The following NBEA variants were observed in gnomAD, a reference collection of about 807,000 sequenced individuals.
NBEA encodes the protein lysosomal-trafficking regulator 2.
A neutral mutation model predicts 343.4 loss-of-function variants in NBEA; 44 were observed. That is an observed-to-expected ratio of 0.13 (90% CI 0.10 to 0.16). NBEA has a LOEUF of 0.16. NBEA is among the 10% of genes least tolerant of loss of function. NBEA has a pLI of 1.00. For synonymous variants in NBEA, 1,175 were observed against 1,238.7 expected, an observed-to-expected ratio of 0.95 and a Z score of 1.08; for missense variants, 2,555 against 3,631.3, an observed-to-expected ratio of 0.70 and a Z score of 7.62.
chr13:35,303,093 T>C (rs919393256), intron 35 of NBEA, among the ~76,000 whole-genome samples: 1 of 152,110 alleles, frequency 6.6e-6, no homozygotes, highest in African/African-American at 2.4e-5. Flanking sequence ...AGACTTAAAT[T>C]TCCTGCAGGG....
intron 16 of NBEA, 101 bp from the exon 17 acceptor site, chr13:35,123,381 G>C: frequency 3.6e-6 from 2 of 558,764 alleles, no homozygotes; most frequent in Non-Finnish European, 5.7e-6. Context: ...AATCTTCAGA[G>C]TTTTATATTT....
At chr13:35,300,751 A>T (rs901492232) in intron 35 of NBEA, among the ~76,000 whole-genome samples, 1 of 152,350 alleles carries the variant, frequency 6.6e-6, no homozygotes, top group Non-Finnish European at 1.5e-5. Context: ...GCACTTTTCC[A>T]TAGGAGTCAG....
intron 41 of NBEA, among the ~76,000 whole-genome samples, chr13:35,479,222 CACACAAGGAGCTGAAGGTGATTTACATA>C (rs1311176805): frequency 2.0e-5 from 3 of 152,208 alleles, no homozygotes; most frequent in Admixed American, 2.0e-4. Flanking sequence ...AAGCACCCCT[CACACAAGGAGCTGAAGGTGATTTACATA>C]ACATAGGATT....
chr13:34,956,722 C>G (rs1295719220), intron 1 of NBEA, among the ~76,000 whole-genome samples: 1 of 152,134 alleles, frequency 6.6e-6, no homozygotes, highest in East Asian at 1.9e-4. Context: ...ATCATAGTCA[C>G]TGTATATTTT....
chr13:35,233,809 G>A (rs559966008), intron 34 of NBEA, among the ~76,000 whole-genome samples: 1 of 152,248 alleles, frequency 6.6e-6, no homozygotes, highest in African/African-American at 2.4e-5. Context: ...CATGCTAGAA[G>A]ATAGTGAATG....
chr13:35,271,853 A>G (rs76153762), intron 34 of NBEA, among the ~76,000 whole-genome samples: 1 of 152,250 alleles, frequency 6.6e-6, no homozygotes, highest in African/African-American at 2.4e-5. Flanking sequence ...ATATGGGACT[A>G]TGTGAAAAGA....
At chr13:34,958,755 C>T (rs552086623) in intron 1 of NBEA, among the ~76,000 whole-genome samples, 2 of 152,138 alleles carry the variant, frequency 1.3e-5, no homozygotes, top group African/African-American at 4.8e-5. Context: ...GAACTTATTT[C>T]TAATTTTTGC....
At chr13:35,365,364 T>A (rs145239213) in intron 38 of NBEA, among the ~76,000 whole-genome samples, 105 of 151,814 alleles carry the variant, frequency 6.9e-4, no homozygotes, top group Non-Finnish European at 1.4e-3. Flanking sequence ...TTGGATTCCC[T>A]ACATTAATGA....
chr13:35,645,771 C>T (rs1199284104), intron 49 of NBEA, 98 bp from the exon 50 acceptor site: 2 of 579,100 alleles, frequency 3.5e-6, no homozygotes, highest in African/African-American at 2.0e-5. Context: ...GTTCTTTCTG[C>T]TGATCACCCT....
chr13:35,527,124 A>G (rs891959184), intron 41 of NBEA, among the ~76,000 whole-genome samples: 13 of 152,142 alleles, frequency 8.5e-5, no homozygotes, highest in African/African-American at 3.1e-4. Context: ...TCGGTCATCC[A>G]GACTAATGTC....
intron 41 of NBEA, among the ~76,000 whole-genome samples, chr13:35,510,748 T>C (rs993796501): frequency 1.3e-5 from 2 of 152,196 alleles, no homozygotes; most frequent in Non-Finnish European, 1.5e-5. Flanking sequence ...ATGTATAGTA[T>C]CTCATTTAGT....
chr13:35,135,587 G>C (rs1192166383), intron 17 of NBEA, among the ~76,000 whole-genome samples: 2 of 151,472 alleles, frequency 1.3e-5, no homozygotes, highest in Non-Finnish European at 2.9e-5. Context: ...TTTATTTAAA[G>C]GTTAAAAAAA....
At chr13:35,207,552 G>C (rs1178289827) in intron 31 of NBEA, among the ~76,000 whole-genome samples, 3 of 152,078 alleles carry the variant, frequency 2.0e-5, no homozygotes, top group Non-Finnish European at 4.4e-5. Flanking sequence ...AGAAAATTTA[G>C]ATATTTATTA....
intron 33 of NBEA, among the ~76,000 whole-genome samples, chr13:35,211,428 G>C (rs1174796021): frequency 6.6e-6 from 1 of 152,122 alleles, no homozygotes; most frequent in Admixed American, 6.6e-5. Flanking sequence ...CTGTCATTTA[G>C]TGCATGTTAC....
intron 40 of NBEA, among the ~76,000 whole-genome samples, chr13:35,463,200 C>A (rs1002497952): frequency 1.4e-4 from 22 of 152,200 alleles, no homozygotes; most frequent in African/African-American, 5.3e-4. Context: ...GAATCCTATG[C>A]TTACGAGTCA....
intron 33 of NBEA, among the ~76,000 whole-genome samples, chr13:35,226,068 G>A (rs1593830282): frequency 6.6e-6 from 1 of 151,908 alleles, no homozygotes; most frequent in South Asian, 2.1e-4. Context: ...AAATTCTTTC[G>A]GTGCTTTACT....
At chr13:35,552,392 A>G (rs553810384) in intron 43 of NBEA, among the ~76,000 whole-genome samples, 29 of 151,174 alleles carry the variant, frequency 1.9e-4, no homozygotes, top group South Asian at 8.5e-4. Context: ...CATGCTCAAG[A>G]TATTTGCTAG....
chr13:35,399,545 C>A (rs1163639953), intron 38 of NBEA, among the ~76,000 whole-genome samples: 1 of 152,126 alleles, frequency 6.6e-6, no homozygotes, highest in African/African-American at 2.4e-5. Context: ...CCAGTCATTA[C>A]AGGTCCCTCC....
At chr13:35,622,571 T>A (rs1272142766) in intron 48 of NBEA, among the ~76,000 whole-genome samples, 2 of 152,196 alleles carry the variant, frequency 1.3e-5, no homozygotes, top group Non-Finnish European at 2.9e-5. Context: ...CTATATTGTC[T>A]CTACTTAAAA....
Sources: gnomAD v4.1 joint callset for allele counts (sites outside exome capture counted in the v4.1 genomes callset) on GRCh38, gnomAD v4.1.1 for gene constraint, MANE v1.5 for transcripts, NCBI Gene and HGNC (gene_info 2026-07-23, HGNC 2026-07-21) for gene names.